Variants in XPO6 observed in about 807,000 individuals in gnomAD.
XPO6 encodes the protein exportin 6.
A neutral mutation model predicts 130.0 loss-of-function variants in XPO6; 3 were observed. The ratio of observed to expected loss-of-function variants is 0.02; its 90% CI spans 0.01 to 0.06. The LOEUF is 0.06. XPO6 is among the 10% of genes least tolerant of loss of function. The pLI is 1.00. For synonymous variants in XPO6, 524 were observed against 548.9 expected, an observed-to-expected ratio of 0.95 and a Z score of 0.63; for missense variants, 970 against 1,393.0, an observed-to-expected ratio of 0.70 and a Z score of 4.83.
At position 28,134,820 on chromosome 16, in the gene XPO6, T is replaced by C. The variant is rs373011955; in HGVS notation, c.1443+396A>G. On this transcript the variant is annotated intron_variant, in intron 10 of 23. Coordinates refer to ENST00000304658, the MANE Select transcript of XPO6 (RefSeq NM_015171.4). ...TGTACTCCAAACAGACTTCCTTTCA[T>C]TCTAGCCTTATCGGTTCAGTATCTT... Among the ~76,000 whole-genome samples the C allele has an allele frequency of 2.0e-5, 3 of 152,336 alleles. No homozygotes were observed. The South Asian group carries it at 6.2e-4, about 32-fold the overall frequency.
chr16:28,210,536 T>C (rs573002362), intron 1 of XPO6, among the ~76,000 whole-genome samples: 1 of 152,254 alleles, frequency 6.6e-6, no homozygotes, highest in Admixed American at 6.5e-5. Flanking sequence ...GGCTCAGAAA[T>C]AATTACAAGA....
At chr16:28,098,985 A>G (rs183171953) in intron 23 of XPO6, among the ~76,000 whole-genome samples, 73 of 152,288 alleles carry the variant, frequency 4.8e-4, no homozygotes, top group African/African-American at 1.8e-3. Context: ...ACCATGAAGA[A>G]GCTGGCCCCA....
chr16:28,163,454 G>A (rs1041757891), intron 6 of XPO6, among the ~76,000 whole-genome samples: 2 of 152,196 alleles, frequency 1.3e-5, no homozygotes, highest in African/African-American at 4.8e-5. Context: ...AGCAATCAAA[G>A]CTAACTCAGA....
chr16:28,155,828 T>C, intron 7 of XPO6: 2 of 946,822 alleles, frequency 2.1e-6, no homozygotes, highest in Non-Finnish European at 2.8e-6. Context: ...GGACAGGAGA[T>C]GGATGGGGAG....
At chr16:28,148,266 G>A (rs2043020355) in intron 8 of XPO6, among the ~76,000 whole-genome samples, 2 of 152,316 alleles carry the variant, frequency 1.3e-5, no homozygotes, top group South Asian at 4.1e-4. Flanking sequence ...GGGGAAAGGT[G>A]AGCAGACACA....
intron 6 of XPO6, among the ~76,000 whole-genome samples, chr16:28,163,386 T>C (rs931777882): frequency 1.7e-4 from 26 of 152,260 alleles, no homozygotes; most frequent in African/African-American, 5.1e-4. Flanking sequence ...TACAGATCTA[T>C]ATTTGAAACT....
In XPO6 at chr16:28,149,066, AAAAAAAAC is replaced by A. The variant is rs1352924073; in HGVS notation, c.1225-2871_1225-2864del. On this transcript the variant is annotated intron_variant, in intron 8 of 23. Transcript: ENST00000304658. The stretch of plus-strand genomic sequence containing the variant: ...TCCAAAAAAAAAGAAAATAAAAAAA[AAAAAAAAC>A]AAAAGGAAGGTGGATCTTAAGGCTC... Among the ~76,000 whole-genome samples, 31 of 150,618 alleles carry A rather than the reference AAAAAAAAC, an allele frequency of 2.1e-4. No individual in the cohort carries two copies. The South Asian group carries it at 3.0e-3, about 15-fold the overall frequency.
rs2043888655 is a variant in XPO6 at position 28,197,780 on chromosome 16, G to A, written c.3+13586C>T. Among the ~76,000 whole-genome samples, 4 of 151,530 alleles carry A rather than the reference G, an allele frequency of 2.6e-5. No homozygotes were observed. The South Asian group carries it at 6.3e-4, about 24-fold the overall frequency. On this transcript the variant is annotated intron_variant, in intron 1 of 23. Transcript: ENST00000304658. ...AAATACAAAAAAAAATTAGCCAGGC[G>A]TGGTGGCGGGCGCCTGCAGTACCAG...
intron 1 of XPO6, among the ~76,000 whole-genome samples, chr16:28,208,477 G>A (rs555676297): frequency 2.6e-4 from 39 of 152,260 alleles, no homozygotes; most frequent in Admixed American, 4.6e-4. Context: ...CCCTGACCCT[G>A]GGATACCTAC....
At chr16:28,197,642 C>T (rs947763343) in intron 1 of XPO6, among the ~76,000 whole-genome samples, 5 of 151,876 alleles carry the variant, frequency 3.3e-5, no homozygotes, top group African/African-American at 1.2e-4. Flanking sequence ...CTAGGCCGGG[C>T]GCGGTGGCTC....
chr16:28,191,142 G>A (rs1192397838), intron 1 of XPO6, among the ~76,000 whole-genome samples: 1 of 152,176 alleles, frequency 6.6e-6, no homozygotes, highest in Admixed American at 6.5e-5. Flanking sequence ...ATTCTCTCAG[G>A]TGCCAGGTTT....
intron 1 of XPO6, among the ~76,000 whole-genome samples, chr16:28,208,277 G>A (rs78372752): frequency 0.059 from 8,962 of 152,312 alleles, 661 homozygotes; most frequent in East Asian, 0.17. Flanking sequence ...AAAAGAAGAT[G>A]TTAAAAGGGC....
intron 13 of XPO6, among the ~76,000 whole-genome samples, chr16:28,121,963 G>A (rs572840285): frequency 9.3e-5 from 14 of 151,194 alleles, no homozygotes; most frequent in African/African-American, 3.5e-4. Flanking sequence ...ATTAACTAAA[G>A]CCTTATTGAA....
intron 1 of XPO6, among the ~76,000 whole-genome samples, chr16:28,201,568 T>C (rs935530880): frequency 3.9e-5 from 6 of 152,182 alleles, no homozygotes; most frequent in Non-Finnish European, 7.3e-5. Context: ...TGTAAGAATG[T>C]AGTCTTGGCC....
At position 28,107,515 on chromosome 16, in the gene XPO6, C is replaced by G; in HGVS notation, c.2497+7G>C. ...CCCACCAGTGGGGCCTCTGGGCCAG[C>G]TCCTACCTGACTGATGGATAAAAGC... On this transcript the variant is annotated splice_region_variant and intron_variant, in intron 18 of 23. Coordinates refer to ENST00000304658, the MANE Select transcript of XPO6 (RefSeq NM_015171.4). The G allele has an allele frequency of 6.2e-7, 1 of 1,614,006 alleles. No homozygotes were observed. The highest frequency in any genetic ancestry group is 8.5e-7 in the Non-Finnish European group (1 of 1,179,922).
chr16:28,168,779 TTG>T (rs200593254), intron 5 of XPO6, among the ~76,000 whole-genome samples: 43 of 146,986 alleles, frequency 2.9e-4, no homozygotes, highest in African/African-American at 9.1e-4. Flanking sequence ...CTTTTTTGTT[TTG>T]TTTTTTTTTT....
chr16:28,187,506 A>G (rs2043714150), intron 1 of XPO6, among the ~76,000 whole-genome samples: 1 of 151,990 alleles, frequency 6.6e-6, no homozygotes, highest in Non-Finnish European at 1.5e-5. Flanking sequence ...CTTCTTGTGC[A>G]CAAGTGGGGA....
At chr16:28,177,463 T>C (rs534090481) in intron 2 of XPO6, 131 bp from the exon 3 acceptor site, 11 of 541,204 alleles carry the variant, frequency 2.0e-5, no homozygotes, top group Non-Finnish European at 3.0e-5. Flanking sequence ...CAGCGGATTC[T>C]TTAAGATAGA....
At chr16:28,163,868 G>A (rs143862046) in intron 6 of XPO6, among the ~76,000 whole-genome samples, 52 of 152,286 alleles carry the variant, frequency 3.4e-4, no homozygotes, top group Non-Finnish European at 6.5e-4. Context: ...GCTCACTGGC[G>A]ATGCAACCCC....
Sources: allele counts gnomAD v4.1 joint callset (sites outside exome capture counted in the v4.1 genomes callset), GRCh38; gene constraint gnomAD v4.1.1; transcripts MANE v1.5; gene names NCBI Gene and HGNC (gene_info 2026-07-23, HGNC 2026-07-21).